Variants in ANKRD30B observed in about 807,000 individuals in gnomAD.
The protein encoded by ANKRD30B is ankyrin repeat domain 30B, also known as ankyrin repeat domain-containing protein 30B.
ANKRD30B carries 144 observed loss-of-function variants against 202.2 expected under a neutral mutation model. The observed-to-expected ratio is 0.71, with a 90% CI of 0.62 to 0.82. The LOEUF is 0.82. Among genes scored for constraint, ANKRD30B ranks in the 40% least tolerant of loss-of-function variants. The pLI, the probability that ANKRD30B is intolerant of heterozygous loss-of-function variation, is 0.00. For missense variants in ANKRD30B, 1,487 were observed against 1,669.1 expected, an observed-to-expected ratio of 0.89 and a Z score of 1.90; for synonymous variants, 508 against 561.3, an observed-to-expected ratio of 0.91 and a Z score of 1.34.
chr18:14,808,203 G>T (rs1315581031), intron 24 of ANKRD30B, among the ~76,000 whole-genome samples: 7 of 149,904 alleles, frequency 4.7e-5, no homozygotes, highest in South Asian at 2.1e-4. Context: ...TTTTTGGCGG[G>T]GGGTCATGAC....
chr18:14,872,625 A>C, the ANKRD30B span, among the ~76,000 whole-genome samples: 1 of 152,046 alleles, frequency 6.6e-6, no homozygotes, highest in Non-Finnish European at 1.5e-5. Flanking sequence ...TCTCCTTTTA[A>C]GTAAAGGACA....
chr18:14,886,304 G>A, the ANKRD30B span, among the ~76,000 whole-genome samples: 1 of 151,946 alleles, frequency 6.6e-6, no homozygotes, highest in African/African-American at 2.4e-5. Context: ...TGATCTCCCA[G>A]ACTACAAATG....
At chr18:14,774,687 CAA>C (rs568979727) in intron 9 of ANKRD30B, among the ~76,000 whole-genome samples, 237 of 152,180 alleles carry the variant, frequency 1.6e-3, no homozygotes, top group African/African-American at 5.4e-3. Flanking sequence ...TTTTTCCACA[CAA>C]GAGGTAATTA....
chr18:14,821,982 T>A (rs1326123829), intron 30 of ANKRD30B, among the ~76,000 whole-genome samples: 3 of 152,210 alleles, frequency 2.0e-5, no homozygotes, highest in African/African-American at 7.2e-5. Flanking sequence ...TGAATTCTCA[T>A]CGGAGCTTTG....
chr18:14,757,715 A>G, intron 4 of ANKRD30B, 100 bp from the exon 5 acceptor site: 2 of 1,302,650 alleles, frequency 1.5e-6, no homozygotes, highest in Non-Finnish European at 2.1e-6. Context: ...AGCACTCAAG[A>G]TACTTATGTT....
chr18:14,821,110 G>A (rs1970395839), intron 30 of ANKRD30B, among the ~76,000 whole-genome samples: 1 of 152,184 alleles, frequency 6.6e-6, no homozygotes. Flanking sequence ...GTGTATCGAG[G>A]AATTTATCTA....
Position 14,848,829 on chromosome 18 carries a change from A to C in ANKRD30B, c.3295A>C (p.Lys1099Gln). The change falls in exon 40 of 44, where the codon AAG becomes CAG. Residue 1099 changes from lysine (K) to glutamine (Q), a missense_variant. Coordinates refer to ENST00000690538, the MANE Select transcript of ANKRD30B (RefSeq NM_001367607.2). ...AGCAAAAATGGAACAAACGAAAAATAAGTTTTGTGTACTACAAAAGGAACT... is the reference window on the plus strand; with the variant it reads ...AGCAAAAATGGAACAAACGAAAAATCAGTTTTGTGTACTACAAAAGGAACT... The part of the protein sequence containing the change: ...ITAKMEQTKN[K>Q]FCVLQKELSE... 1 of 1,587,050 alleles carries C rather than the reference A, an allele frequency of 6.3e-7. No homozygotes were observed. Among genetic ancestry groups the C allele is most frequent in the Non-Finnish European group, 8.6e-7 (1 of 1,166,500 alleles).
chr18:14,831,493 G>A, intron 34 of ANKRD30B, 38 bp downstream of exon 34: 2 of 1,163,850 alleles, frequency 1.7e-6, no homozygotes, highest in Non-Finnish European at 2.5e-6. Flanking sequence ...TTCTCAGTTG[G>A]AATCTAATTC....
At chr18:14,905,510 A>G in the ANKRD30B span, 1 of 152,230 alleles carries the variant, frequency 6.6e-6, no homozygotes, top group Non-Finnish European at 1.5e-5. Flanking sequence ...TTGAGTTAAG[A>G]AAAGGAAGGT....
intron 8 of ANKRD30B, among the ~76,000 whole-genome samples, chr18:14,770,534 C>T: frequency 6.6e-6 from 1 of 151,912 alleles, no homozygotes; most frequent in East Asian, 1.9e-4. Context: ...AGCTGGAGAA[C>T]CCAGTGGAAG....
intron 7 of ANKRD30B, among the ~76,000 whole-genome samples, chr18:14,765,647 TAC>T (rs1212018626): frequency 6.6e-6 from 1 of 152,168 alleles, no homozygotes; most frequent in Non-Finnish European, 1.5e-5. Context: ...TGGCCTGTGA[TAC>T]ACAGTTTGCT....
At chr18:14,875,629 C>G in the ANKRD30B span, among the ~76,000 whole-genome samples, 3 of 152,168 alleles carry the variant, frequency 2.0e-5, no homozygotes, top group Admixed American at 6.5e-5. Flanking sequence ...TACCTTACAT[C>G]TTTATACCTT....
At chr18:14,755,768 G>A (rs1394171565) in intron 4 of ANKRD30B, among the ~76,000 whole-genome samples, 2 of 152,144 alleles carry the variant, frequency 1.3e-5, no homozygotes, top group African/African-American at 2.4e-5. Context: ...ATTCCATGGT[G>A]TATATGTGCC....
chr18:14,834,734 A>C (rs1161410323), intron 34 of ANKRD30B, among the ~76,000 whole-genome samples: 1 of 151,942 alleles, frequency 6.6e-6, no homozygotes, highest in Non-Finnish European at 1.5e-5. Flanking sequence ...TAATATCTCA[A>C]TTATTCTGAT....
the ANKRD30B span, among the ~76,000 whole-genome samples, chr18:14,934,706 G>T: frequency 2.3e-4 from 35 of 152,090 alleles, no homozygotes; most frequent in Non-Finnish European, 4.7e-4. Flanking sequence ...CTGAACGTTG[G>T]GAATATTCAA....
intron 23 of ANKRD30B, 24 bp from the exon 24 acceptor site, chr18:14,803,710 A>T: frequency 6.4e-7 from 1 of 1,568,480 alleles, no homozygotes; most frequent in Non-Finnish European, 8.7e-7. Flanking sequence ...CATTGAAATT[A>T]TTTATTGATA....
At chr18:14,937,764 G>A in the ANKRD30B span, among the ~76,000 whole-genome samples, 1 of 152,130 alleles carries the variant, frequency 6.6e-6, no homozygotes, top group African/African-American at 2.4e-5. Flanking sequence ...GCCTTTCGTT[G>A]CTTCATTCTT....
At chr18:14,898,366 A>G in the ANKRD30B span, among the ~76,000 whole-genome samples, 1 of 152,086 alleles carries the variant, frequency 6.6e-6, no homozygotes, top group East Asian at 1.9e-4. Flanking sequence ...TAAGGAGCGC[A>G]AAACCTAGAT....
At chr18:14,874,719 G>T in the ANKRD30B span, among the ~76,000 whole-genome samples, 1 of 152,214 alleles carries the variant, frequency 6.6e-6, no homozygotes, top group Non-Finnish European at 1.5e-5. Flanking sequence ...GAGCCTGGGT[G>T]TAGAAGGGAC....
Sources: gnomAD v4.1 joint callset for allele counts (sites outside exome capture counted in the v4.1 genomes callset) on GRCh38, gnomAD v4.1.1 for gene constraint, MANE v1.5 for transcripts, NCBI Gene and HGNC (gene_info 2026-07-23, HGNC 2026-07-21) for gene names.